DHRSX: variants seen among roughly 807,000 people sequenced by gnomAD.
The protein encoded by DHRSX is dehydrogenase/reductase X-linked.
In DHRSX, 31 loss-of-function variants were observed where a neutral mutation model predicts 34.0. The ratio of observed to expected loss-of-function variants is 0.91; its 90% CI spans 0.69 to 1.23. The LOEUF is 1.23. Among genes scored for constraint, DHRSX ranks in the 50% most tolerant of loss-of-function variants. The pLI is 0.00. For synonymous variants in DHRSX, 201 were observed against 183.8 expected (o/e 1.09, Z -0.76); for missense variants, 414 against 428.1 (o/e 0.97, Z 0.29).
chrX:2,273,865 T>C (rs1025198683), intron 4 of DHRSX, among the ~76,000 whole-genome samples: 2 of 152,150 alleles, frequency 1.3e-5, no homozygotes, highest in African/African-American at 2.4e-5. Flanking sequence ...TGCAGGCAGG[T>C]GGTGACCTGT....
At chrX:2,408,374 T>C (rs769124482) in intron 3 of DHRSX, among the ~76,000 whole-genome samples, 7 of 152,216 alleles carry the variant, frequency 4.6e-5, no homozygotes, top group African/African-American at 1.7e-4. Context: ...GCGCCCGGCC[T>C]GATTTATCTT....
chrX:2,220,939 A>C lies in DHRSX; in HGVS notation c.*102T>G. On this transcript the variant is annotated 3_prime_UTR_variant, in exon 7 of 7. Coordinates refer to ENST00000334651, the MANE Select transcript of DHRSX (RefSeq NM_145177.3). ...AACTAGAGGACAGAGCCCTGTGGGC[A>C]GGTGGGTGTGAGAAACTCAAACACC... 8.9e-7 allele frequency: 1 copy of C among 1,117,840 alleles called. No individual in the cohort carries two copies. Among genetic ancestry groups the C allele is most frequent in the Non-Finnish European group, 1.3e-6 (1 of 770,818 alleles). 69.2% of individuals were successfully genotyped at this position (1,117,840 alleles called of 1,614,324 possible).
At chrX:2,429,681 C>A (rs1219658522) in intron 1 of DHRSX, among the ~76,000 whole-genome samples, 2 of 151,938 alleles carry the variant, frequency 1.3e-5, no homozygotes, top group Non-Finnish European at 2.9e-5. Flanking sequence ...GTCTTGATCT[C>A]CGGGGCTCAA....
chrX:2,451,647 G>A (rs1448246184), intron 1 of DHRSX, among the ~76,000 whole-genome samples: 2 of 152,210 alleles, frequency 1.3e-5, no homozygotes, highest in African/African-American at 2.4e-5. Context: ...GGCTGGCTGC[G>A]TCTCTCACTG....
chrX:2,473,452 C>T (rs185984013), intron 1 of DHRSX, among the ~76,000 whole-genome samples: 1 of 151,948 alleles, frequency 6.6e-6, no homozygotes, highest in Non-Finnish European at 1.5e-5. Context: ...GAAGAAAACC[C>T]ATCTCTACTA....
chrX:2,392,384 G>A, intron 3 of DHRSX: 2 of 250,488 alleles, frequency 8.0e-6, no homozygotes, highest in Admixed American at 5.2e-5. Context: ...GTGCACGCCT[G>A]TAGTCCCAGC....
intron 1 of DHRSX, chrX:2,489,774 G>C: frequency 6.2e-7 from 1 of 1,613,368 alleles, no homozygotes; most frequent in Non-Finnish European, 8.5e-7. Flanking sequence ...ACCAGTTTGC[G>C]GCAGCGCGAC....
In DHRSX at chrX:2,384,950, AAT is replaced by A. The variant is rs200531332; in HGVS notation, c.286+23793_286+23794del. ...AAATTTAAAAAAAAAAAGAAAAAAA[AAT>A]ATATATATATACATTTGCTGCGCAC... On this transcript the variant is annotated intron_variant, in intron 3 of 6. Transcript: ENST00000334651. Among the ~76,000 whole-genome samples, 1,203 of 148,944 alleles carry A rather than the reference AAT, an allele frequency of 8.1e-3. 34 individuals are homozygous for A. In the East Asian group the frequency reaches 0.093, roughly 12 times the overall value.
intron 3 of DHRSX, among the ~76,000 whole-genome samples, chrX:2,368,578 G>A (rs1342452030): frequency 6.6e-6 from 1 of 152,080 alleles, no homozygotes; most frequent in Admixed American, 6.6e-5. Context: ...GGCCAGGCGC[G>A]GAAGCTCACG....
intron 5 of DHRSX, among the ~76,000 whole-genome samples, chrX:2,250,560 G>A (rs1033059218): frequency 2.0e-5 from 3 of 152,078 alleles, no homozygotes; most frequent in Non-Finnish European, 4.4e-5. Context: ...CATGGCATCT[G>A]TAAACCGTCT....
intron 3 of DHRSX, among the ~76,000 whole-genome samples, chrX:2,355,283 C>G (rs7052055): frequency 0.77 from 116,597 of 151,638 alleles, 45,965 homozygotes; most frequent in African/African-American, 0.9. Flanking sequence ...AAGCCGAGGA[C>G]GACGGATTGC....
At chrX:2,267,913 C>T (rs376533077) in intron 4 of DHRSX, among the ~76,000 whole-genome samples, 1 of 152,238 alleles carries the variant, frequency 6.6e-6, no homozygotes, top group East Asian at 1.9e-4. Context: ...TGCTACTGCA[C>T]CCCAGCCTGG....
At chrX:2,407,594 G>A (rs1178770158) in intron 3 of DHRSX, among the ~76,000 whole-genome samples, 2 of 152,158 alleles carry the variant, frequency 1.3e-5, no homozygotes, top group African/African-American at 4.8e-5. Context: ...AGAGAATCTG[G>A]CTGCCTTCAG....
At chrX:2,255,871 G>A (rs189498147) in intron 5 of DHRSX, among the ~76,000 whole-genome samples, 16 of 151,990 alleles carry the variant, frequency 1.1e-4, no homozygotes, top group African/African-American at 2.4e-4. Context: ...CTGAGATTGC[G>A]CCACTGCACT....
intron 3 of DHRSX, among the ~76,000 whole-genome samples, chrX:2,339,012 C>T (rs1482448710): frequency 2.6e-5 from 4 of 151,902 alleles, no homozygotes; most frequent in South Asian, 4.2e-4. Context: ...ATATAATTTC[C>T]GCAACGAGAT....
chrX:2,370,876 A>G (rs1224873751), intron 3 of DHRSX, among the ~76,000 whole-genome samples: 1 of 152,152 alleles, frequency 6.6e-6, no homozygotes, highest in Admixed American at 6.6e-5. Context: ...AAAATTAGCT[A>G]TGCAGCCACA....
intron 1 of DHRSX, among the ~76,000 whole-genome samples, chrX:2,457,591 C>G (rs1335886224): frequency 6.6e-6 from 1 of 151,680 alleles, no homozygotes; most frequent in Non-Finnish European, 1.5e-5. Context: ...TAAGGGACAG[C>G]CGCCATGTAC....
intron 2 of DHRSX, among the ~76,000 whole-genome samples, chrX:2,423,166 G>A (rs1271035537): frequency 1.0e-4 from 15 of 150,628 alleles, no homozygotes; most frequent in Non-Finnish European, 1.9e-4. Context: ...TAATCCCAGC[G>A]CTTTGGGAGG....
intron 3 of DHRSX, among the ~76,000 whole-genome samples, chrX:2,320,904 T>C (rs1245146337): frequency 6.6e-6 from 1 of 152,240 alleles, no homozygotes; most frequent in East Asian, 1.9e-4. Flanking sequence ...ACGTACAGCC[T>C]GTCTGCCTGA....
Sources: allele counts gnomAD v4.1 joint callset (sites outside exome capture counted in the v4.1 genomes callset), GRCh38; gene constraint gnomAD v4.1.1; transcripts MANE v1.5; gene names NCBI Gene and HGNC (gene_info 2026-07-23, HGNC 2026-07-21).